Variants in SLC35H1 observed in about 807,000 individuals in gnomAD.
SLC35H1 encodes the protein ovarian cancer-overexpressed gene 1 protein.
chr20:46,354,023 G>A, the SLC35H1 span, among the ~76,000 whole-genome samples: 1 of 152,054 alleles, frequency 6.6e-6, no homozygotes, highest in Admixed American at 6.6e-5. Flanking sequence ...CTGGGAGGAA[G>A]GATAAACAGA....
chr20:46,350,636 C>G, the SLC35H1 span: 2 of 1,317,442 alleles, frequency 1.5e-6, no homozygotes, highest in Non-Finnish European at 2.1e-6. Flanking sequence ...CTGGAGATGA[C>G]CCCCACATCT....
At chr20:46,356,680 C>T in the SLC35H1 span, 9 of 1,592,412 alleles carry the variant, frequency 5.7e-6, no homozygotes, top group Non-Finnish European at 7.7e-6. Context: ...GGGAGGTCCA[C>T]ACTCTGCTGG....
chr20:46,354,916 G>A, the SLC35H1 span: 1 of 1,612,904 alleles, frequency 6.2e-7, no homozygotes, highest in African/African-American at 1.3e-5. Flanking sequence ...AGAGCCCCAG[G>A]AACATGAGTG....
chr20:46,352,561 G>A, the SLC35H1 span: 7 of 239,946 alleles, frequency 2.9e-5, 1 homozygote, highest in South Asian at 4.6e-4. Context: ...CGGGATGATG[G>A]GGATCCTAGC....
At chr20:46,356,793 GT>G in the SLC35H1 span, among the ~76,000 whole-genome samples, 1 of 152,204 alleles carries the variant, frequency 6.6e-6, no homozygotes, top group Non-Finnish European at 1.5e-5. Context: ...CAACTAAAGG[GT>G]TAATATCTGG....
At chr20:46,350,755 G>C in the SLC35H1 span, 1 of 1,613,884 alleles carries the variant, frequency 6.2e-7, no homozygotes, top group Non-Finnish European at 8.5e-7. Flanking sequence ...AGGGACTCTG[G>C]GTTACCTCTG....
chr20:46,348,854 C>G, the SLC35H1 span: 2 of 152,262 alleles, frequency 1.3e-5, no homozygotes, highest in Admixed American at 1.3e-4. Context: ...TCATCTATGG[C>G]TGCTTTTGTG....
chr20:46,354,991 C>G, the SLC35H1 span: 1 of 1,613,848 alleles, frequency 6.2e-7, no homozygotes, highest in Non-Finnish European at 8.5e-7. Flanking sequence ...CAGGCACCAT[C>G]AGGTCTGGTC....
chr20:46,356,716 G>C, the SLC35H1 span: 3 of 1,392,222 alleles, frequency 2.2e-6, no homozygotes, highest in Non-Finnish European at 2.0e-6. Context: ...TGAGGCACCT[G>C]AGTGTCCCCC....
At chr20:46,351,016 G>A in the SLC35H1 span, 1 of 1,264,802 alleles carries the variant, frequency 7.9e-7, no homozygotes, top group South Asian at 1.4e-5. Context: ...GAAATCCTGG[G>A]CCCAGGCAGG....
chr20:46,351,483 G>C, the SLC35H1 span, among the ~76,000 whole-genome samples: 1 of 152,240 alleles, frequency 6.6e-6, no homozygotes, highest in African/African-American at 2.4e-5. Context: ...CCCCTGAACA[G>C]GGAGGACTGT....
the SLC35H1 span, among the ~76,000 whole-genome samples, chr20:46,355,577 C>T: frequency 6.6e-6 from 1 of 152,296 alleles, no homozygotes; most frequent in Middle Eastern, 3.4e-3. This position sits in a 1 kb window ranked among gnomAD's most constrained non-coding sequence, Gnocchi z 4.8. Flanking sequence ...CTGCTGGGAC[C>T]CTCATCCTGC....
the SLC35H1 span, chr20:46,351,006 G>T: frequency 7.6e-7 from 1 of 1,315,568 alleles, no homozygotes; most frequent in Non-Finnish European, 1.1e-6. Flanking sequence ...AGATCTTACT[G>T]AAATCCTGGG....
chr20:46,350,422 T>A, the SLC35H1 span: 1 of 1,613,164 alleles, frequency 6.2e-7, no homozygotes, highest in Non-Finnish European at 8.5e-7. Flanking sequence ...CACAAAGTAC[T>A]CCTCCTCCTC....
At chr20:46,355,389 G>T in the SLC35H1 span, 1 of 857,542 alleles carries the variant, frequency 1.2e-6, no homozygotes, top group Non-Finnish European at 1.8e-6. This position sits in a 1 kb window ranked among gnomAD's most constrained non-coding sequence, Gnocchi z 4.8. Context: ...GGGGGTCCTG[G>T]ACAGTCCTTG....
the SLC35H1 span, among the ~76,000 whole-genome samples, chr20:46,361,603 G>T: frequency 6.6e-6 from 1 of 152,212 alleles, no homozygotes; most frequent in Non-Finnish European, 1.5e-5. Flanking sequence ...TTTGTGAGAA[G>T]ACCCATCCTC....
the SLC35H1 span, chr20:46,350,313 T>C: frequency 1.3e-6 from 2 of 1,489,018 alleles, no homozygotes; most frequent in East Asian, 2.3e-5. Flanking sequence ...GCTACCATGA[T>C]GAGCCCTGGC....
the SLC35H1 span, chr20:46,350,973 GGTA>G: frequency 6.5e-7 from 1 of 1,537,334 alleles, no homozygotes; most frequent in Non-Finnish European, 8.9e-7. Flanking sequence ...GGGGGCACTA[GGTA>G]CACTCAGGTG....
chr20:46,358,394 A>AG, the SLC35H1 span: 1 of 1,614,068 alleles, frequency 6.2e-7, no homozygotes, highest in Non-Finnish European at 8.5e-7. Flanking sequence ...TACCTTTGTC[A>AG]GCCACTTGTT....
Sources: allele counts gnomAD v4.1 joint callset (sites outside exome capture counted in the v4.1 genomes callset), GRCh38; gene constraint gnomAD v4.1.1; non-coding constraint Gnocchi (gnomAD v3.1); transcripts MANE v1.5; gene names NCBI Gene and HGNC (gene_info 2026-07-23, HGNC 2026-07-21).